FSIP2: variants seen among roughly 807,000 people sequenced by gnomAD.
FSIP2 encodes fibrous sheath interacting protein 2.
A neutral mutation model predicts 510.5 loss-of-function variants in FSIP2; 367 were observed. That is an observed-to-expected ratio of 0.72 (90% CI 0.66 to 0.78). The LOEUF (loss-of-function observed/expected upper bound fraction) is 0.78. Ranked by LOEUF, FSIP2 falls within the 30% of genes least tolerant of loss-of-function variation. FSIP2 has a pLI of 0.00. For synonymous variants in FSIP2, 2,601 were observed against 2,732.2 expected (o/e 0.95, Z 1.50); for missense variants, 7,594 against 7,901.7 (o/e 0.96, Z 1.48).
At position 185,800,338 on chromosome 2, in the gene FSIP2, T is replaced by G; in HGVS notation, c.11032T>G (p.Cys3678Gly). The change falls in exon 17 of 23, where the codon TGT becomes GGT. Residue 3678 changes from cysteine to glycine, a missense_variant. Coordinates refer to ENST00000424728, the MANE Select transcript of FSIP2 (RefSeq NM_173651.4). ...AAAAAATAAGTTAAGTTATCTTGCA[T>G]GTAAGTTAAACAGCCTGGTTGGTAA... Reference protein sequence around the residue: ...FQKNKLSYLACKLNSLVGNLK... With the variant: ...FQKNKLSYLAGKLNSLVGNLK... 4 of 1,532,868 alleles carry G rather than the reference T, an allele frequency of 2.6e-6. No homozygotes were observed. Among genetic ancestry groups the G allele is most frequent in the Non-Finnish European group, 3.5e-6 (4 of 1,145,222 alleles). The allele number at this position is 1,532,868 out of a possible 1,614,324, so 95.0% of individuals were successfully genotyped here.
chr2:185,743,887 T>C (rs985107585), intron 3 of FSIP2, among the ~76,000 whole-genome samples: 4 of 152,134 alleles, frequency 2.6e-5, no homozygotes, highest in African/African-American at 9.7e-5. Context: ...TACACAGGAG[T>C]GCAATGGCGC....
chr2:185,808,130 T>C lies in FSIP2; in HGVS notation c.18824T>C (p.Met6275Thr), dbSNP rs962947789. The change falls in exon 17 of 23, where the codon ATG (methionine) becomes ACG (threonine). Residue 6275 changes from methionine to threonine, a missense_variant. By Grantham distance (81) the Met-to-Thr change is moderately conservative (BLOSUM62 -1). Transcript: ENST00000424728. ...TATACTTCTGTATTTAAAGATTTAA[T>C]GGGTAAAAGCAATGTCCTCTCTGAT... ...GSYTSVFKDL[M>T]GKSNVLSDTI... 15 of 1,606,184 alleles carry C rather than the reference T, an allele frequency of 9.3e-6. 1 individual carries two copies. Among genetic ancestry groups the C allele is most frequent in the Non-Finnish European group, 1.3e-5 (15 of 1,177,352 alleles).
At chr2:185,758,047 T>C (rs1279810906) in intron 9 of FSIP2, among the ~76,000 whole-genome samples, 1 of 151,230 alleles carries the variant, frequency 6.6e-6, no homozygotes, top group Non-Finnish European at 1.5e-5. Flanking sequence ...ATAACTATAG[T>C]TCATTTTCTG....
chr2:185,771,467 C>G (rs1042557711), intron 13 of FSIP2, among the ~76,000 whole-genome samples: 1 of 152,224 alleles, frequency 6.6e-6, no homozygotes, highest in Non-Finnish European at 1.5e-5. Flanking sequence ...CCTGACAAGG[C>G]TTATGCCTTG....
At chr2:185,771,742 C>T (rs1692612200) in intron 13 of FSIP2, among the ~76,000 whole-genome samples, 1 of 152,208 alleles carries the variant, frequency 6.6e-6, no homozygotes, top group African/African-American at 2.4e-5. Context: ...ATGCTAATCT[C>T]TCTAGTAAGT....
At position 185,794,333 on chromosome 2, in the gene FSIP2, G is replaced by A. The variant is rs1450718163; in HGVS notation, c.7197G>A (p.Met2399Ile). Reference protein sequence around the residue: ...VSEIVDSMLKMLDDKRSVKEI... With the variant: ...VSEIVDSMLKILDDKRSVKEI... ...AAATTGTTGACAGTATGTTAAAGAT[G>A]TTAGATGATAAAAGATCTGTAAAGG... The change falls in exon 16 of 23, where the codon ATG (methionine) becomes ATA (isoleucine). Residue 2399 changes from methionine (M) to isoleucine (I), a missense_variant. Coordinates refer to ENST00000424728, the MANE Select transcript of FSIP2 (RefSeq NM_173651.4). 28 of 1,517,420 alleles carry A rather than the reference G, an allele frequency of 1.8e-5. No homozygotes were observed. The highest frequency in any genetic ancestry group is 2.4e-5 in the Non-Finnish European group (27 of 1,139,414). 94.0% of individuals were successfully genotyped at this position (1,517,420 alleles called of 1,614,324 possible).
chr2:185,741,038 C>G (rs1691912862), intron 2 of FSIP2, among the ~76,000 whole-genome samples: 1 of 152,106 alleles, frequency 6.6e-6, no homozygotes, highest in Admixed American at 6.5e-5. Flanking sequence ...CAACTTCACA[C>G]AACTTGAGTC....
chr2:185,744,705 C>A (rs6434141), intron 4 of FSIP2: 85,458 of 157,084 alleles, frequency 0.54, 23,510 homozygotes, highest in South Asian at 0.64. Flanking sequence ...ATGCCAATAA[C>A]AAACATCTCT....
chr2:185,807,092 G>A lies in FSIP2; in HGVS notation c.17786G>A (p.Gly5929Glu). 1.3e-6 allele frequency: 2 copies of A among 1,596,248 alleles called. No individual in the cohort carries two copies. Among genetic ancestry groups the A allele is most frequent in the Non-Finnish European group, 1.7e-6 (2 of 1,173,834 alleles). The part of the protein sequence containing the change: ...SSVCNILNDY[G>E]SQDSIWKNIN... ...GTTTGTAATATTTTAAATGACTATGGATCTCAAGACTCTATTTGGAAGAAT... is the reference window on the plus strand; with the variant it reads ...GTTTGTAATATTTTAAATGACTATGAATCTCAAGACTCTATTTGGAAGAAT... Residue 5929 changes from glycine to glutamate, a missense_variant, in exon 17 of 23, where the codon GGA (glycine) becomes GAA (glutamate). Transcript: ENST00000424728.
At chr2:185,770,602 C>T (rs1208565946) in intron 13 of FSIP2, among the ~76,000 whole-genome samples, 2 of 152,156 alleles carry the variant, frequency 1.3e-5, no homozygotes, top group Non-Finnish European at 2.9e-5. Flanking sequence ...GCACCTCCCA[C>T]CAGGCCCCAC....
rs771665315 is a variant in FSIP2, at chr2:185,805,975, G to T, written c.16669G>T (p.Glu5557Ter). The change falls in exon 17 of 23, where the codon GAA (glutamate) becomes TAA (stop). Residue 5557 changes from glutamate (E) to a stop codon, truncating the protein, a stop_gained. Coordinates refer to ENST00000424728, the MANE Select transcript of FSIP2 (RefSeq NM_173651.4). LOFTEE classifies it high-confidence loss of function. ...AGATACTCAGGAGCCAAATTTGAGT[G>T]AAACATTTAATAATAATGAAATTGA... ...SKDTQEPNLS[E>*]TFNNNEIEKK... 2 of 1,561,490 alleles carry T rather than the reference G, an allele frequency of 1.3e-6. No individual in the cohort carries two copies. Among genetic ancestry groups the T allele is most frequent in the Admixed American group, 2.1e-5 (1 of 48,078 alleles).
intron 19 of FSIP2, among the ~76,000 whole-genome samples, chr2:185,820,128 GAGA>G (rs1162065036): frequency 6.6e-6 from 1 of 151,934 alleles, no homozygotes; most frequent in Non-Finnish European, 1.5e-5. Flanking sequence ...CACATGTCGT[GAGA>G]AGGACCAGGT....
intron 18 of FSIP2, 57 bp from the exon 19 acceptor site, chr2:185,815,314 G>T (rs2287606): frequency 0.55 from 446,440 of 813,654 alleles, 123,480 homozygotes; most frequent in South Asian, 0.64. Flanking sequence ...ATGCCATAAG[G>T]TAAGAAAATA....
In FSIP2 at chr2:185,751,937, A is replaced by T. The variant is rs80309025; in HGVS notation, c.871-1785A>T. ...ATACACGTAATAATTCCCACAATAC[A>T]TTGCTAAGTTTGTCTAAACTATCAT... On this transcript the variant is annotated intron_variant, in intron 7 of 22. Transcript: ENST00000424728. Among the ~76,000 whole-genome samples the T allele has an allele frequency of 4.0e-3, 595 of 150,390 alleles. 17 individuals are homozygous for T. In the East Asian group the frequency reaches 0.061, roughly 15 times the overall value.
intron 13 of FSIP2, among the ~76,000 whole-genome samples, chr2:185,773,681 C>G (rs1217666745): frequency 2.6e-5 from 4 of 152,120 alleles, no homozygotes; most frequent in Non-Finnish European, 5.9e-5. Flanking sequence ...GTTTTTATAT[C>G]TTAACCTCTC....
At chr2:185,787,864 T>A (rs1199763406) in intron 15 of FSIP2, among the ~76,000 whole-genome samples, 5 of 151,792 alleles carry the variant, frequency 3.3e-5, no homozygotes, top group Non-Finnish European at 5.9e-5. Flanking sequence ...ATTTTCTATC[T>A]AAATTTTAAT....
In FSIP2 at chr2:185,802,486, G is replaced by C; in HGVS notation, c.13180G>C (p.Glu4394Gln). The change falls in exon 17 of 23, where the codon GAG (glutamate) becomes CAG (glutamine). Residue 4394 changes from glutamate to glutamine, a missense_variant. Glu to Gln is a conservative substitution (Grantham distance 29, BLOSUM62 2). Coordinates refer to ENST00000424728, the MANE Select transcript of FSIP2 (RefSeq NM_173651.4). ...QHGLDLAVDK[E>Q]SEDSGIFVEN... ...TGGGCTAGACCTTGCTGTTGATAAAGAGTCTGAAGACAGTGGCATTTTTGT... is the reference window on the plus strand; with the variant it reads ...TGGGCTAGACCTTGCTGTTGATAAACAGTCTGAAGACAGTGGCATTTTTGT... 6.5e-7 allele frequency: 1 copy of C among 1,533,450 alleles called. No homozygotes were observed. The highest frequency in any genetic ancestry group is 1.2e-5 in the South Asian group (1 of 83,878). 95.0% of individuals were successfully genotyped at this position (1,533,450 alleles called of 1,614,324 possible).
At chr2:185,780,054 C>T (rs1203202447) in intron 13 of FSIP2, among the ~76,000 whole-genome samples, 2 of 147,750 alleles carry the variant, frequency 1.4e-5, no homozygotes, top group Admixed American at 1.3e-4. Flanking sequence ...GCCTGGGTGA[C>T]AGAGCAACAC....
In FSIP2 at chr2:185,804,558, G is replaced by A. The variant is rs567964724; in HGVS notation, c.15252G>A (p.Ser5084=). 254 of 1,527,612 alleles carry A rather than the reference G, an allele frequency of 1.7e-4. 3 individuals are homozygous for A. In the East Asian group the frequency reaches 3.3e-3, roughly 20 times the overall value. The allele number at this position is 1,527,612 out of a possible 1,614,324, so 94.6% of individuals were successfully genotyped here. A position where few individuals can be genotyped will look rare whatever the true frequency, so the allele number is the denominator to read the frequency against. Residue 5084 remains serine (S), a synonymous_variant, in exon 17 of 23, where the codon TCG becomes TCA. Transcript: ENST00000424728. ...VSGELESSSY[S]YPQADNIIRN... ...GAGAATTAGAGTCTTCTTCTTATTCGTATCCCCAAGCTGATAATATCATCA... is the reference window on the plus strand; with the variant it reads ...GAGAATTAGAGTCTTCTTCTTATTCATATCCCCAAGCTGATAATATCATCA...
Sources: gnomAD v4.1 joint callset for allele counts (sites outside exome capture counted in the v4.1 genomes callset) on GRCh38, gnomAD v4.1.1 for gene constraint, MANE v1.5 for transcripts, NCBI Gene and HGNC (gene_info 2026-07-23, HGNC 2026-07-21) for gene names.